The following ADGB variants were observed in gnomAD, a reference collection of about 807,000 sequenced individuals.
ADGB encodes the protein calpain-7-like protein.
A neutral mutation model predicts 210.5 loss-of-function variants in ADGB; 172 were observed. The observed-to-expected ratio is 0.82, with a 90% CI of 0.72 to 0.93. The LOEUF is 0.93. ADGB is among the 40% of genes least tolerant of loss of function. The pLI is 0.00. For synonymous variants in ADGB, 658 were observed against 662.7 expected, an observed-to-expected ratio of 0.99 and a Z score of 0.11; for missense variants, 2,025 against 1,964.8, an observed-to-expected ratio of 1.03 and a Z score of -0.58.
chr6:146,753,202 C>T (rs1325153943), intron 27 of ADGB, among the ~76,000 whole-genome samples: 1 of 152,032 alleles, frequency 6.6e-6, no homozygotes, highest in Admixed American at 6.6e-5. Context: ...AAAAATCACA[C>T]ATTACCAATG....
rs535030261 is a variant in ADGB at position 146,715,432 on chromosome 6, C to T, written c.1741+17C>T. 2 of 1,486,220 alleles carry T rather than the reference C, an allele frequency of 1.3e-6. No individual in the cohort carries two copies. The highest frequency in any genetic ancestry group is 1.3e-5 in the South Asian group (1 of 76,428). The allele number at this position is 1,486,220 out of a possible 1,614,324, so 92.1% of individuals were successfully genotyped here. ...TTGGAAAAGGTAAATTAATAATTTT[C>T]CTGTGACTTTTTTCAATGTACATCA... On this transcript the variant is annotated intron_variant, in intron 14 of 35. Transcript: ENST00000397944.
In ADGB at chr6:146,688,522, G is replaced by A. The variant is rs552417586; in HGVS notation, c.1312-2594G>A. Among the ~76,000 whole-genome samples, 3 of 152,184 alleles carry A rather than the reference G, an allele frequency of 2.0e-5. No individual in the cohort carries two copies. In the South Asian group the frequency reaches 6.2e-4, roughly 32 times the overall value. On this transcript the variant is annotated intron_variant, in intron 10 of 35. Coordinates refer to ENST00000397944, the MANE Select transcript of ADGB (RefSeq NM_024694.4). ...AGATATTGACATCATAAGGGGAGAA[G>A]ACTTAAAGGCAGCTTGAGGCATGCG...
chr6:146,716,910 T>C lies in ADGB; in HGVS notation c.1769T>C (p.Leu590Ser). Reference sequence around the variant, plus strand: ...ACAGATGAACAAACAGACTTTGGATTGGGTGATGCTCATCAGAGTGATGGA... The same window carrying C: ...ACAGATGAACAAACAGACTTTGGATCGGGTGATGCTCATCAGAGTGATGGA... ...KGTDEQTDFG[L>S]GDAHQSDGLN... The change falls in exon 15 of 36, where the codon TTG (leucine) becomes TCG (serine). Residue 590 changes from leucine (L) to serine (S), a missense_variant. By Grantham distance (145) the Leu-to-Ser change is moderately radical (BLOSUM62 -2). Transcript: ENST00000397944. 2 of 1,548,550 alleles carry C rather than the reference T, an allele frequency of 1.3e-6. No individual in the cohort carries two copies. Among genetic ancestry groups the C allele is most frequent in the Non-Finnish European group, 1.7e-6 (2 of 1,145,336 alleles).
chr6:146,632,460 C>CT, intron 1 of ADGB, among the ~76,000 whole-genome samples: 1 of 152,262 alleles, frequency 6.6e-6, no homozygotes, highest in Non-Finnish European at 1.5e-5. Flanking sequence ...TACAAGCTCC[C>CT]TTTTTCAATG....
At chr6:146,694,335 T>C (rs1285873076) in intron 12 of ADGB, among the ~76,000 whole-genome samples, 1 of 152,076 alleles carries the variant, frequency 6.6e-6, no homozygotes, top group Non-Finnish European at 1.5e-5. Flanking sequence ...CTGGCAAGGG[T>C]CTGCTTCCTC....
At chr6:146,764,185 A>G in intron 28 of ADGB, 85 bp downstream of exon 28, 1 of 1,260,034 alleles carries the variant, frequency 7.9e-7, no homozygotes. Flanking sequence ...AATAGTCAAT[A>G]TACAGTGTGC....
chr6:146,694,515 G>T (rs1266338746), intron 12 of ADGB, among the ~76,000 whole-genome samples: 1 of 152,126 alleles, frequency 6.6e-6, no homozygotes, highest in East Asian at 1.9e-4. Context: ...ATATAAATTT[G>T]ATGGCAGAAG....
intron 1 of ADGB, among the ~76,000 whole-genome samples, chr6:146,633,489 A>G (rs934828146): frequency 6.6e-6 from 1 of 151,942 alleles, no homozygotes; most frequent in Non-Finnish European, 1.5e-5. Context: ...CCTCTCTGCA[A>G]TCAACTTCCA....
chr6:146,802,373 T>C (rs1426928423), intron 35 of ADGB: 1 of 168,652 alleles, frequency 5.9e-6, no homozygotes, highest in Non-Finnish European at 1.2e-5. Context: ...TTTTTAAGTG[T>C]TTTTTAAATA....
intron 25 of ADGB, among the ~76,000 whole-genome samples, chr6:146,744,281 T>C (rs964236945): frequency 6.6e-6 from 1 of 152,172 alleles, no homozygotes; most frequent in African/African-American, 2.4e-5. Flanking sequence ...TGAGCAGTTG[T>C]ATAACTTAGC....
intron 35 of ADGB, chr6:146,807,611 T>C: frequency 6.6e-7 from 1 of 1,517,962 alleles, no homozygotes; most frequent in East Asian, 2.5e-5. Flanking sequence ...AATACCACCC[T>C]GCTTCTGGAG....
chr6:146,659,203 A>T (rs1055399101), intron 5 of ADGB, among the ~76,000 whole-genome samples: 1 of 152,104 alleles, frequency 6.6e-6, no homozygotes, highest in Non-Finnish European at 1.5e-5. Context: ...TTCCAATTCT[A>T]GTTGAGCACT....
At chr6:146,687,611 A>C (rs1228086648) in intron 10 of ADGB, among the ~76,000 whole-genome samples, 2 of 151,978 alleles carry the variant, frequency 1.3e-5, no homozygotes, top group African/African-American at 4.8e-5. Context: ...ACATGGACAC[A>C]GAGAGGGGAA....
Position 146,726,187 on chromosome 6 carries a change from A to G in ADGB, c.2342A>G (p.Asn781Ser), listed in dbSNP as rs1484536305. Residue 781 changes from asparagine (N) to serine (S), a missense_variant, in exon 19 of 36, where the codon AAC becomes AGC. Physicochemically the swap from Asn to Ser is conservative, Grantham distance 46. Transcript: ENST00000397944. Reference sequence around the variant, plus strand: ...GGGGATGAACACGTTGTACTGCCCAACTTTGAACCAGTAAGTATTTTTGCA... The same window carrying G: ...GGGGATGAACACGTTGTACTGCCCAGCTTTGAACCAGTAAGTATTTTTGCA... ...VIGDEHVVLPNFEPESCRFTE... is the reference protein window; with the variant it reads ...VIGDEHVVLPSFEPESCRFTE... 5 of 1,542,766 alleles carry G rather than the reference A, an allele frequency of 3.2e-6. No homozygotes were observed. Among genetic ancestry groups the G allele is most frequent in the Non-Finnish European group, 1.8e-6 (2 of 1,139,332 alleles).
At chr6:146,751,801 C>T (rs543289448) in intron 26 of ADGB, among the ~76,000 whole-genome samples, 2 of 151,990 alleles carry the variant, frequency 1.3e-5, no homozygotes, top group South Asian at 4.2e-4. Flanking sequence ...TGTTTATATC[C>T]TTTGTAGGGC....
intron 34 of ADGB, among the ~76,000 whole-genome samples, 192 bp from the exon 35 acceptor site, chr6:146,801,634 TAA>T (rs1320010982): frequency 6.6e-6 from 1 of 152,244 alleles, no homozygotes; most frequent in African/African-American, 2.4e-5. Context: ...AATGTTTTCC[TAA>T]AATATCAGTG....
chr6:146,751,509 C>A (rs1392304708), intron 26 of ADGB, among the ~76,000 whole-genome samples: 1 of 152,072 alleles, frequency 6.6e-6, no homozygotes, highest in Non-Finnish European at 1.5e-5. Context: ...AATGGGATTG[C>A]TGGGTCAAAT....
chr6:146,733,002 C>G, intron 20 of ADGB, 118 bp from the exon 21 acceptor site: 1 of 745,210 alleles, frequency 1.3e-6, no homozygotes. Flanking sequence ...TGTTAGGTTG[C>G]GTGTACATCT....
At chr6:146,691,600 C>T (rs1423608575) in intron 11 of ADGB, among the ~76,000 whole-genome samples, 1 of 134,008 alleles carries the variant, frequency 7.5e-6, no homozygotes, top group East Asian at 2.2e-4. Context: ...CTCCGCCTCC[C>T]GGGTTCACAC....
Sources: allele counts gnomAD v4.1 joint callset (sites outside exome capture counted in the v4.1 genomes callset), GRCh38; gene constraint gnomAD v4.1.1; transcripts MANE v1.5; gene names NCBI Gene and HGNC (gene_info 2026-07-23, HGNC 2026-07-21).